Variants in ATXN7L1 observed in about 807,000 individuals in gnomAD.
ATXN7L1 encodes ataxin 7 like 1, also known as ataxin-7-like protein 1.
A neutral mutation model predicts 70.8 loss-of-function variants in ATXN7L1; 15 were observed. The observed-to-expected ratio is 0.21, with a 90% CI of 0.14 to 0.33. The LOEUF is 0.33. Among genes scored for constraint, ATXN7L1 ranks in the 10% least tolerant of loss-of-function variants. ATXN7L1 has a pLI of 1.00. For synonymous variants in ATXN7L1, 440 were observed against 445.1 expected, an observed-to-expected ratio of 0.99 and a Z score of 0.14; for missense variants, 975 against 1,097.1, an observed-to-expected ratio of 0.89 and a Z score of 1.57.
chr7:105,655,305 C>T (rs1800446711), intron 4 of ATXN7L1, among the ~76,000 whole-genome samples: 1 of 152,228 alleles, frequency 6.6e-6, no homozygotes, highest in African/African-American at 2.4e-5. Flanking sequence ...ATATTCTGGT[C>T]TGTCTACCTT....
intron 4 of ATXN7L1, among the ~76,000 whole-genome samples, chr7:105,657,702 CAAAA>C (rs71155465): frequency 7.7e-5 from 2 of 26,108 alleles, no homozygotes; most frequent in Non-Finnish European, 6.4e-5. Flanking sequence ...GACCCTGTCT[CAAAA>C]AAAAAAAAAA....
At chr7:105,643,532 C>A (rs886674997) in intron 4 of ATXN7L1, among the ~76,000 whole-genome samples, 2 of 152,244 alleles carry the variant, frequency 1.3e-5, no homozygotes, top group African/African-American at 2.4e-5. Context: ...CGCCCCCTCC[C>A]CCCGCTGCTC....
At chr7:105,733,472 T>A (rs1796801100) in intron 3 of ATXN7L1, among the ~76,000 whole-genome samples, 1 of 139,992 alleles carries the variant, frequency 7.1e-6, no homozygotes, top group African/African-American at 2.8e-5. Context: ...CTTTTTGACC[T>A]CCAGGAGGTC....
At chr7:105,875,777 C>T (rs1819151767) in intron 2 of ATXN7L1, 35 bp downstream of exon 2, 1 of 1,576,136 alleles carries the variant, frequency 6.3e-7, no homozygotes, top group Non-Finnish European at 8.7e-7. Flanking sequence ...TTCTGCCACA[C>T]ATGCTAACAC....
At chr7:105,664,589 TTG>T in intron 4 of ATXN7L1, among the ~76,000 whole-genome samples, 1 of 119,966 alleles carries the variant, frequency 8.3e-6, no homozygotes, top group South Asian at 2.7e-4. Flanking sequence ...ATATATATAT[TTG>T]AGACAGAGTT....
At chr7:105,674,470 AT>A (rs951749638) in intron 3 of ATXN7L1, among the ~76,000 whole-genome samples, 11 of 151,778 alleles carry the variant, frequency 7.2e-5, no homozygotes, top group African/African-American at 2.2e-4. Context: ...AATTACTATT[AT>A]TTTTTTTTCT....
intron 3 of ATXN7L1, among the ~76,000 whole-genome samples, chr7:105,786,684 A>T (rs1297623328): frequency 6.6e-6 from 1 of 150,768 alleles, no homozygotes; most frequent in Admixed American, 6.8e-5. Context: ...ACACCTGGCT[A>T]AATTTTTTTT....
intron 2 of ATXN7L1, among the ~76,000 whole-genome samples, chr7:105,829,823 TTAC>T (rs1192137569): frequency 6.6e-6 from 1 of 152,224 alleles, no homozygotes; most frequent in Non-Finnish European, 1.5e-5. Context: ...CAACTGGATG[TTAC>T]TACGACCTTA....
intron 2 of ATXN7L1, among the ~76,000 whole-genome samples, chr7:105,841,656 A>C (rs1181876285): frequency 6.6e-6 from 1 of 152,126 alleles, no homozygotes; most frequent in Non-Finnish European, 1.5e-5. Context: ...AGTAATCCTT[A>C]CTTTCCTGAA....
chr7:105,640,167 C>A (rs561936058), intron 5 of ATXN7L1, among the ~76,000 whole-genome samples: 76 of 152,212 alleles, frequency 5.0e-4, no homozygotes, highest in Non-Finnish European at 1.0e-4. Context: ...CCACAAACAC[C>A]ATTTACCTGA....
In ATXN7L1 at chr7:105,635,564, T is replaced by C. The variant is rs542636089; in HGVS notation, c.1202+2789A>G. On this transcript the variant is annotated intron_variant, in intron 7 of 11. Coordinates refer to ENST00000419735, the MANE Select transcript of ATXN7L1 (RefSeq NM_020725.2). The stretch of plus-strand genomic sequence containing the variant: ...CTGAGGTGAGACAGGCTAAGAACCA[T>C]GACCAAGCTTACCTAGTTGGTAGGC... Among the ~76,000 whole-genome samples, 4 of 152,358 alleles carry C rather than the reference T, an allele frequency of 2.6e-5. No individual in the cohort carries two copies. In the East Asian group the frequency reaches 7.7e-4, roughly 29 times the overall value.
At chr7:105,853,586 C>A (rs1263428790) in intron 2 of ATXN7L1, among the ~76,000 whole-genome samples, 4 of 148,054 alleles carry the variant, frequency 2.7e-5, no homozygotes, top group Non-Finnish European at 4.5e-5. Flanking sequence ...AACAAACAAA[C>A]AAAAAAAACA....
intron 3 of ATXN7L1, among the ~76,000 whole-genome samples, chr7:105,756,557 G>A (rs1470522352): frequency 2.6e-5 from 4 of 152,156 alleles, no homozygotes; most frequent in African/African-American, 4.8e-5. Flanking sequence ...AAAGATGACT[G>A]CATAATAGGA....
chr7:105,625,485 A>G (rs1359574345), intron 7 of ATXN7L1, among the ~76,000 whole-genome samples: 1 of 152,168 alleles, frequency 6.6e-6, no homozygotes, highest in East Asian at 1.9e-4. Flanking sequence ...TCCTGACCTC[A>G]GGTGATCTGC....
chr7:105,865,148 G>A (rs566670152), intron 2 of ATXN7L1, among the ~76,000 whole-genome samples: 20 of 152,232 alleles, frequency 1.3e-4, no homozygotes, highest in African/African-American at 4.8e-4. Flanking sequence ...TAAAAACAAC[G>A]ATCATCACAA....
At position 105,871,995 on chromosome 7, in the gene ATXN7L1, A is replaced by AT. The variant is rs970133304; in HGVS notation, c.250+3816dup. Among the ~76,000 whole-genome samples the AT allele has an allele frequency of 3.3e-3, 477 of 143,744 alleles. 1 individual carries two copies. Among genetic ancestry groups the AT allele is most frequent in the African/African-American group, 5.5e-3 (215 of 39,402 alleles). 94.3% of individuals were successfully genotyped at this position (143,744 alleles called of 152,430 possible). On this transcript the variant is annotated intron_variant, in intron 2 of 11. Transcript: ENST00000419735. ...CCAGATAGAGGTAGAAACCAAAATA[A>AT]TTTTTTTTTTTTTTTGAGCTGGAGT...
At chr7:105,814,099 C>T (rs1808837388) in intron 2 of ATXN7L1, among the ~76,000 whole-genome samples, 1 of 152,186 alleles carries the variant, frequency 6.6e-6, no homozygotes. Context: ...TCGCAGCAGT[C>T]CCCATTCTCT....
rs143271242 is a variant in ATXN7L1, at chr7:105,733,412, T to C, written c.355+55192A>G. 6.4e-3 allele frequency among the ~76,000 whole-genome samples: 981 copies of C among 152,338 alleles called. 11 individuals carry two copies. Among genetic ancestry groups the C allele is most frequent in the African/African-American group, 0.023 (938 of 41,574 alleles). ...AAATATTTACTGAGTGGGTCCTATA[T>C]GTCAAAGCATTGTAGTGGGCATCAG... On this transcript the variant is annotated intron_variant, in intron 3 of 11. Coordinates refer to ENST00000419735, the MANE Select transcript of ATXN7L1 (RefSeq NM_020725.2).
At chr7:105,800,459 G>A (rs1806642467) in intron 2 of ATXN7L1, among the ~76,000 whole-genome samples, 1 of 152,310 alleles carries the variant, frequency 6.6e-6, no homozygotes, top group Non-Finnish European at 1.5e-5. Context: ...CTGCATCTTA[G>A]TGCTGCACTT....
Sources: allele counts gnomAD v4.1 joint callset (sites outside exome capture counted in the v4.1 genomes callset), GRCh38; gene constraint gnomAD v4.1.1; transcripts MANE v1.5; gene names NCBI Gene and HGNC (gene_info 2026-07-23, HGNC 2026-07-21).